RND2: variants seen among roughly 807,000 people sequenced by gnomAD.
RND2 encodes Rho family GTPase 2, also known as rho-related GTP-binding protein RhoN.
Under a neutral mutation model 25.9 loss-of-function variants are expected in RND2, and 16 were observed. The observed-to-expected ratio is 0.62, with a 90% CI of 0.42 to 0.94. The LOEUF is 0.94. Among genes scored for constraint, RND2 ranks in the 40% least tolerant of loss-of-function variants. The pLI, the probability that RND2 is intolerant of heterozygous loss-of-function variation, is 0.00. For synonymous variants in RND2, 97 were observed against 118.1 expected (o/e 0.82, Z 1.16); for missense variants, 276 against 305.5 (o/e 0.90, Z 0.72).
At position 43,026,008 on chromosome 17, in the gene RND2, GA is replaced by G. The variant is rs1567749607; in HGVS notation, c.152del (p.Asp51AlafsTer80). On this transcript the variant is annotated frameshift_variant, in exon 2 of 5. Transcript: ENST00000587250. LOFTEE classifies it high-confidence loss of function. The part of the protein sequence containing the change: ...FENYTASFEI[D>X]KRRIELNMWD... ...GAACTACACTGCGAGCTTTGAGATC[GA>G]CAAGCGCCGCATTGAGCTCAACATG... The G allele has an allele frequency of 6.2e-7, 1 of 1,612,982 alleles. No individual in the cohort carries two copies. The highest frequency in any genetic ancestry group is 2.2e-5 in the East Asian group (1 of 44,826).
Position 43,026,512 on chromosome 17 carries a change from G to A in RND2, c.190+465G>A, listed in dbSNP as rs181403843. Among the ~76,000 whole-genome samples, 101 of 152,212 alleles carry A rather than the reference G, an allele frequency of 6.6e-4. No homozygotes were observed. The East Asian group carries it at 0.015, about 22-fold the overall frequency. ...CTAAAAATACAAAAATTAATCGGGC[G>A]TGTGGCACGTGCCTGTAATCTCAGC... On this transcript the variant is annotated intron_variant, in intron 2 of 4. Transcript: ENST00000587250.
intron 3 of RND2, among the ~76,000 whole-genome samples, chr17:43,027,519 A>T (rs1360166681): frequency 6.6e-6 from 1 of 151,798 alleles, no homozygotes; most frequent in Non-Finnish European, 1.5e-5. Flanking sequence ...GAGGTGGGGG[A>T]GTGAAGGGAG....
chr17:43,025,750 GA>G (rs2050615614), intron 1 of RND2, among the ~76,000 whole-genome samples: 1 of 142,826 alleles, frequency 7.0e-6, no homozygotes, highest in African/African-American at 2.6e-5. Flanking sequence ...GAAGGGACCA[GA>G]AGGGAACAGG....
Position 43,025,396 on chromosome 17 carries a change from G to C in RND2, c.49G>C (p.Glu17Gln), listed in dbSNP as rs2050611862. ...CAAGATCGTGGTGGTGGGAGACGCA[G>C]AGTGCGGCAAGACGGCGCTGCTGCA... is the stretch of plus-strand genomic sequence containing the variant. ...RCKIVVVGDA[E>Q]CGKTALLQVF... The change falls in exon 1 of 5, where the codon GAG becomes CAG. Residue 17 changes from glutamate to glutamine, a missense_variant. Physicochemically the swap from Glu to Gln is conservative, Grantham distance 29 (BLOSUM62 2). Coordinates refer to ENST00000587250, the MANE Select transcript of RND2 (RefSeq NM_005440.5). 3.2e-6 allele frequency: 5 copies of C among 1,554,636 alleles called. No individual in the cohort carries two copies. Among genetic ancestry groups the C allele is most frequent in the Non-Finnish European group, 3.5e-6 (4 of 1,149,342 alleles).
At chr17:43,027,857 C>A (rs922651630) in intron 3 of RND2, among the ~76,000 whole-genome samples, 8 of 152,314 alleles carry the variant, frequency 5.3e-5, no homozygotes, top group Admixed American at 1.3e-4. Flanking sequence ...CGCCAGCCCT[C>A]TCCTCCCCGC....
chr17:43,028,510 G>A lies in RND2; in HGVS notation c.514G>A (p.Asp172Asn), dbSNP rs2151974852. 1 of 1,614,242 alleles carries A rather than the reference G, an allele frequency of 6.2e-7. No homozygotes were observed. ...SSRSSERSVR[D>N]VFHVATVASL... ...CCGGTCCTCTGAGCGCAGCGTCAGG[G>A]ATGTCTTCCATGTGGCTACAGTGGC... is the stretch of plus-strand genomic sequence containing the variant. Residue 172 changes from aspartate (D) to asparagine (N), a missense_variant, in exon 5 of 5, where the codon GAT becomes AAT. By Grantham distance (23) the Asp-to-Asn change is conservative. Transcript: ENST00000587250.
Position 43,028,984 on chromosome 17 carries a change from T to G in RND2, c.*304T>G. 2.5e-6 allele frequency: 1 copy of G among 399,588 alleles called. No individual in the cohort carries two copies. The highest frequency in any genetic ancestry group is 2.0e-5 in the African/African-American group (1 of 49,584). 24.8% of individuals were successfully genotyped at this position (399,588 alleles called of 1,614,324 possible). ...GGTGACCTTGGTGGAGTCTCCTATGTGAAGAGTACCCTCCCTCTCCACCCC... is the reference window on the plus strand; with the variant it reads ...GGTGACCTTGGTGGAGTCTCCTATGGGAAGAGTACCCTCCCTCTCCACCCC... On this transcript the variant is annotated 3_prime_UTR_variant, in exon 5 of 5. Transcript: ENST00000587250.
Position 43,027,275 on chromosome 17 carries a change from G to A in RND2, c.283G>A (p.Asp95Asn), listed in dbSNP as rs775173548. 8 of 1,610,958 alleles carry A rather than the reference G, an allele frequency of 5.0e-6. No individual in the cohort carries two copies. The South Asian group carries it at 6.6e-5, about 13-fold the overall frequency. ...CGACATTAGCCGACCAGAAACACTG[G>A]ACAGTGTTCTCAAGAAGGTGGGAGC... ...CFDISRPETL[D>N]SVLKKWQGET... The change falls in exon 3 of 5, where the codon GAC becomes AAC. Residue 95 changes from aspartate (D) to asparagine (N), a missense_variant. Asp to Asn is a conservative substitution (Grantham distance 23). Transcript: ENST00000587250.
chr17:43,030,320 C>T lies in RND2; in HGVS notation c.*1640C>T, dbSNP rs2050662636. The stretch of plus-strand genomic sequence containing the variant: ...CAGCCCTAGCCAGTTCTCCCAGACA[C>T]ACTGGAAGAGAACACTGACCTTACC... On this transcript the variant is annotated 3_prime_UTR_variant, in exon 5 of 5. Coordinates refer to ENST00000587250, the MANE Select transcript of RND2 (RefSeq NM_005440.5). The T allele has an allele frequency of 6.5e-6, 1 of 152,828 alleles. No individual in the cohort carries two copies. The highest frequency in any genetic ancestry group is 1.5e-5 in the Non-Finnish European group (1 of 68,120). 9.5% of individuals were successfully genotyped at this position (152,828 alleles called of 1,614,324 possible). A position where few individuals can be genotyped will look rare whatever the true frequency, so the allele number is the denominator to read the frequency against.
chr17:43,027,123 C>A (rs1468514721), intron 2 of RND2, 60 bp from the exon 3 acceptor site: 10 of 1,058,532 alleles, frequency 9.4e-6, no homozygotes, highest in Non-Finnish European at 1.4e-5. Context: ...TCTGTAAGGT[C>A]TCCCATTCCC....
chr17:43,028,585 G>C lies in RND2; in HGVS notation c.589G>C (p.Gly197Arg). The C allele has an allele frequency of 1.2e-6, 2 of 1,614,084 alleles. No homozygotes were observed. The highest frequency in any genetic ancestry group is 1.7e-6 in the Non-Finnish European group (2 of 1,180,010). The change falls in exon 5 of 5, where the codon GGA (glycine) becomes CGA (arginine). Residue 197 changes from glycine (G) to arginine (R), a missense_variant. Coordinates refer to ENST00000587250, the MANE Select transcript of RND2 (RefSeq NM_005440.5). ...GCTGCGCCGAACTGACTCACGCCGG[G>C]GAATGCAGCGATCCGCTCAGCTGTC... ...RQLRRTDSRR[G>R]MQRSAQLSGR... is the part of the protein sequence containing the mutation.
At chr17:43,027,133 C>A in intron 2 of RND2, 50 bp from the exon 3 acceptor site, 1 of 1,250,718 alleles carries the variant, frequency 8.0e-7, no homozygotes, top group Non-Finnish European at 1.1e-6. Context: ...CTCCCATTCC[C>A]TTCCAGGCCT....
At chr17:43,027,904 C>G (rs193258057) in intron 3 of RND2, among the ~76,000 whole-genome samples, 157 bp from the exon 4 acceptor site, 1 of 152,306 alleles carries the variant, frequency 6.6e-6, no homozygotes, top group Admixed American at 6.5e-5. Flanking sequence ...TCAAACCAAG[C>G]CTAGCATTCT....
In RND2 at chr17:43,031,547, G is replaced by A. The variant is rs150790762; in HGVS notation, c.*2867G>A. 1 of 152,190 alleles carries A rather than the reference G, an allele frequency of 6.6e-6. No homozygotes were observed. Among genetic ancestry groups the A allele is most frequent in the African/African-American group, 2.4e-5 (1 of 41,430 alleles). The allele number at this position is 152,190 out of a possible 1,614,324, so 9.4% of individuals were successfully genotyped here. A position where few individuals can be genotyped will look rare whatever the true frequency, so the allele number is the denominator to read the frequency against. On this transcript the variant is annotated 3_prime_UTR_variant, in exon 5 of 5. Transcript: ENST00000587250. ...TCTCTTTTCCACTTTGGACTTCTCA[G>A]TGTATAGCAGGTTCAAGCCTGCAAC... is the stretch of plus-strand genomic sequence containing the variant.
rs2050673901 is a variant in RND2 at position 43,031,782 on chromosome 17, G to A, written c.*3102G>A. 6.6e-6 allele frequency: 1 copy of A among 152,180 alleles called. No individual in the cohort carries two copies. Among genetic ancestry groups the A allele is most frequent in the Admixed American group, 6.6e-5 (1 of 15,264 alleles). 9.4% of individuals were successfully genotyped at this position (152,180 alleles called of 1,614,324 possible). ...TTTTGGTCCCTTTCTGCAGGTCTGG[G>A]TTGCCAGACGTTTTATTTCTGGGGA... is the stretch of plus-strand genomic sequence containing the variant. On this transcript the variant is annotated 3_prime_UTR_variant, in exon 5 of 5. Coordinates refer to ENST00000587250, the MANE Select transcript of RND2 (RefSeq NM_005440.5).
In RND2 at chr17:43,028,824, G is replaced by T. The variant is rs931385014; in HGVS notation, c.*144G>T. 2.5e-6 allele frequency: 3 copies of T among 1,190,644 alleles called. No homozygotes were observed. The highest frequency in any genetic ancestry group is 1.2e-6 in the Non-Finnish European group (1 of 866,940). The allele number at this position is 1,190,644 out of a possible 1,614,324, so 73.8% of individuals were successfully genotyped here. Reference sequence around the variant, plus strand: ...GCAATTCTGGGCAGGGGAGCTGGAGGGCAGAAGGGTATCATCGTTTCTCAT... The same window carrying T: ...GCAATTCTGGGCAGGGGAGCTGGAGTGCAGAAGGGTATCATCGTTTCTCAT... On this transcript the variant is annotated 3_prime_UTR_variant, in exon 5 of 5. Transcript: ENST00000587250.
intron 3 of RND2, 133 bp downstream of exon 3, chr17:43,027,425 T>A (rs2050632454): frequency 1.6e-6 from 1 of 606,458 alleles, no homozygotes; most frequent in South Asian, 2.2e-5. Context: ...GAAGCTCTCA[T>A]CCCTGCCACC....
chr17:43,027,236 G>A lies in RND2; in HGVS notation c.244G>A (p.Val82Met). 1 of 1,612,956 alleles carries A rather than the reference G, an allele frequency of 6.2e-7. No individual in the cohort carries two copies. Among genetic ancestry groups the A allele is most frequent in the Non-Finnish European group, 8.5e-7 (1 of 1,179,398 alleles). ...RPLAYPDSDA[V>M]LICFDISRPE... ...TCTGGCCTATCCTGATTCTGATGCTGTGCTCATCTGCTTCGACATTAGCCG... is the reference window on the plus strand; with the variant it reads ...TCTGGCCTATCCTGATTCTGATGCTATGCTCATCTGCTTCGACATTAGCCG... Residue 82 changes from valine (V) to methionine (M), a missense_variant, in exon 3 of 5, where the codon GTG becomes ATG. Coordinates refer to ENST00000587250, the MANE Select transcript of RND2 (RefSeq NM_005440.5).
intron 3 of RND2, among the ~76,000 whole-genome samples, chr17:43,027,723 G>T (rs567399495): frequency 3.7e-4 from 57 of 152,150 alleles, no homozygotes; most frequent in Non-Finnish European, 7.2e-4. Flanking sequence ...GTTCCCAGGT[G>T]GGGGAGGGGA....
Sources: allele counts gnomAD v4.1 joint callset (sites outside exome capture counted in the v4.1 genomes callset), GRCh38; gene constraint gnomAD v4.1.1; transcripts MANE v1.5; gene names NCBI Gene and HGNC (gene_info 2026-07-23, HGNC 2026-07-21).